The following NRG1 variants were observed in gnomAD, a reference collection of about 807,000 sequenced individuals.
NRG1 encodes pro-neuregulin-1, membrane-bound isoform.
A neutral mutation model predicts 63.8 loss-of-function variants in NRG1; 18 were observed. The observed-to-expected ratio is 0.28, with a 90% CI of 0.19 to 0.42. The LOEUF (loss-of-function observed/expected upper bound fraction) is 0.42, where lower values mean the gene tolerates loss of function less well. NRG1 is among the 10% of genes least tolerant of loss of function. The pLI, the probability that NRG1 is intolerant of heterozygous loss-of-function variation, is 1.00. For missense variants in NRG1, 762 were observed against 814.7 expected (o/e 0.94, Z 0.79); for synonymous variants, 302 against 301.3 (o/e 1.00, Z -0.02).
At chr8:32,060,071 G>A (rs1277749486) in intron 1 of NRG1, among the ~76,000 whole-genome samples, 1 of 151,654 alleles carries the variant, frequency 6.6e-6, no homozygotes, top group Non-Finnish European at 1.5e-5. Context: ...CTTACCTTCT[G>A]TTTTTATTTT....
intron 1 of NRG1, among the ~76,000 whole-genome samples, chr8:32,561,113 C>G (rs958617014): frequency 2.6e-5 from 4 of 152,184 alleles, no homozygotes; most frequent in African/African-American, 7.2e-5. Flanking sequence ...ACAAGGGCAT[C>G]AATCCTAGCA....
At chr8:32,562,529 A>G (rs956724186) in intron 1 of NRG1, among the ~76,000 whole-genome samples, 3 of 152,110 alleles carry the variant, frequency 2.0e-5, no homozygotes, top group Non-Finnish European at 4.4e-5. Flanking sequence ...GATTATAGGC[A>G]TGAACCACTG....
intron 1 of NRG1, among the ~76,000 whole-genome samples, chr8:32,279,082 T>G (rs765804665): frequency 2.0e-5 from 3 of 152,228 alleles, no homozygotes; most frequent in Non-Finnish European, 4.4e-5. Flanking sequence ...AGATTCTCCC[T>G]ATACGCAGCC....
chr8:32,666,784 G>A (rs184560050), intron 5 of NRG1, among the ~76,000 whole-genome samples: 64 of 152,152 alleles, frequency 4.2e-4, no homozygotes, highest in Non-Finnish European at 8.5e-4. Flanking sequence ...ACAACTCCTG[G>A]TTTTCCCCAC....
chr8:32,267,770 A>T lies in NRG1; in HGVS notation c.38-328058A>T, dbSNP rs529321657. On this transcript the variant is annotated intron_variant, in intron 1 of 10. Coordinates refer to the NRG1 transcript ENST00000519301. ...TTTCTTCTCTCCTAAAATGGAGCTG[A>T]TGTTCATCTCTTCCTTATGTTATAC... Among the ~76,000 whole-genome samples, 4 of 152,278 alleles carry T rather than the reference A, an allele frequency of 2.6e-5. No individual in the cohort carries two copies. In the East Asian group the frequency reaches 7.7e-4, roughly 29 times the overall value.
intron 1 of NRG1, among the ~76,000 whole-genome samples, chr8:31,778,174 G>A (rs1385108783): frequency 6.6e-6 from 1 of 152,106 alleles, no homozygotes; most frequent in East Asian, 1.9e-4. Context: ...TATTCATGTT[G>A]CCAGCTGCCC....
intron 1 of NRG1, among the ~76,000 whole-genome samples, chr8:31,784,680 C>G (rs934740729): frequency 1.3e-5 from 2 of 152,170 alleles, no homozygotes; most frequent in Non-Finnish European, 2.9e-5. Flanking sequence ...TAGGACTTCT[C>G]TCTAATCATA....
At chr8:31,851,257 T>G (rs1474935667) in intron 1 of NRG1, among the ~76,000 whole-genome samples, 1 of 152,212 alleles carries the variant, frequency 6.6e-6, no homozygotes, top group East Asian at 1.9e-4. Context: ...GATGGTGTCT[T>G]GGGAGTAGCC....
chr8:32,093,038 C>G (rs1278300080), intron 1 of NRG1, among the ~76,000 whole-genome samples: 2 of 152,160 alleles, frequency 1.3e-5, no homozygotes, highest in Admixed American at 6.5e-5. Flanking sequence ...GAATTTTAGT[C>G]TTTAAGGATG....
At chr8:32,680,295 C>G (rs759130132) in intron 5 of NRG1, among the ~76,000 whole-genome samples, 3 of 152,054 alleles carry the variant, frequency 2.0e-5, no homozygotes, top group Non-Finnish European at 4.4e-5. Flanking sequence ...CCCTGTTTGC[C>G]CAGGACAGGG....
chr8:32,422,182 G>T (rs909294144), intron 1 of NRG1, among the ~76,000 whole-genome samples: 75 of 152,202 alleles, frequency 4.9e-4, no homozygotes, highest in African/African-American at 1.7e-3. Flanking sequence ...AAAGTAGAAA[G>T]AGGGAAAAAA....
chr8:31,737,381 A>G (rs1204482934), intron 1 of NRG1, among the ~76,000 whole-genome samples: 1 of 152,026 alleles, frequency 6.6e-6, no homozygotes, highest in Admixed American at 6.6e-5. Flanking sequence ...TTTTAACTTG[A>G]CTGCATCATC....
chr8:31,958,573 C>G (rs895969579), intron 1 of NRG1, among the ~76,000 whole-genome samples: 19 of 152,240 alleles, frequency 1.2e-4, no homozygotes, highest in African/African-American at 4.3e-4. Flanking sequence ...AGTGAATATG[C>G]TATTGCTCTA....
At chr8:32,182,046 C>T (rs11777991) in intron 1 of NRG1, among the ~76,000 whole-genome samples, 125,044 of 152,140 alleles carry the variant, frequency 0.82, 51,992 homozygotes, top group African/African-American at 0.93. Context: ...TTCCATATTA[C>T]CTAATTCAGT....
rs574221501 is a variant in NRG1, at chr8:31,856,991, C to G, written c.37+217560C>G. Among the ~76,000 whole-genome samples, 575 of 152,282 alleles carry G rather than the reference C, an allele frequency of 3.8e-3. 1 individual carries two copies. Among genetic ancestry groups the G allele is most frequent in the Middle Eastern group, 0.024 (7 of 294 alleles). ...CCATTCTCAGATCTCCAGCTGCGTGCTGGGAGAACCACTGCTCTCTTCAAA... is the reference window on the plus strand; with the variant it reads ...CCATTCTCAGATCTCCAGCTGCGTGGTGGGAGAACCACTGCTCTCTTCAAA... On this transcript the variant is annotated intron_variant, in intron 1 of 10. Coordinates refer to the NRG1 transcript ENST00000519301.
At chr8:31,758,291 T>C (rs1217172367) in intron 1 of NRG1, among the ~76,000 whole-genome samples, 2 of 152,146 alleles carry the variant, frequency 1.3e-5, no homozygotes, top group African/African-American at 4.8e-5. Context: ...CTCCCACTTA[T>C]GAGTGAGAAT....
chr8:31,887,906 A>T (rs1009962499), intron 1 of NRG1, among the ~76,000 whole-genome samples: 4 of 151,944 alleles, frequency 2.6e-5, no homozygotes, highest in Admixed American at 6.6e-5. Context: ...TAGGTTACAA[A>T]ATTGTTTTAA....
chr8:32,708,562 G>A (rs1164888668), intron 5 of NRG1, among the ~76,000 whole-genome samples: 1 of 152,150 alleles, frequency 6.6e-6, no homozygotes, highest in Non-Finnish European at 1.5e-5. Context: ...TTGAATCCCA[G>A]CTCTGCTATT....
chr8:31,959,213 G>T (rs1051056090), intron 1 of NRG1, among the ~76,000 whole-genome samples: 1 of 152,146 alleles, frequency 6.6e-6, no homozygotes, highest in African/African-American at 2.4e-5. Context: ...GTCTTGAAAA[G>T]TTCTGTTGGC....
Sources: allele counts gnomAD v4.1 joint callset (sites outside exome capture counted in the v4.1 genomes callset), GRCh38; gene constraint gnomAD v4.1.1; transcripts MANE v1.5; gene names NCBI Gene and HGNC (gene_info 2026-07-23, HGNC 2026-07-21).